Variants in AHCYL2 observed in about 807,000 individuals in gnomAD.
AHCYL2 encodes the protein S-adenosylhomocysteine hydrolase-like protein 2.
Under a neutral mutation model 81.4 loss-of-function variants are expected in AHCYL2, and 28 were observed. That is an observed-to-expected ratio of 0.34 (90% confidence interval 0.25 to 0.47). The LOEUF is 0.47. Among genes scored for constraint, AHCYL2 ranks in the 20% least tolerant of loss-of-function variants. The probability of loss-of-function intolerance (pLI) is 1.00; values close to 1 mark genes in which losing one functional copy is unlikely to be tolerated. For synonymous variants in AHCYL2, 272 were observed against 290.2 expected, an observed-to-expected ratio of 0.94 and a Z score of 0.64; for missense variants, 551 against 785.1, an observed-to-expected ratio of 0.70 and a Z score of 3.56.
intron 1 of AHCYL2, among the ~76,000 whole-genome samples, chr7:129,369,938 G>A (rs907213419): frequency 6.6e-5 from 10 of 152,092 alleles, no homozygotes; most frequent in African/African-American, 2.4e-4. Context: ...TAGAATTAAT[G>A]GAAGGATTTA....
intron 1 of AHCYL2, among the ~76,000 whole-genome samples, chr7:129,265,950 A>G (rs1436252214): frequency 6.6e-6 from 1 of 152,224 alleles, no homozygotes; most frequent in East Asian, 1.9e-4. Context: ...AATGTATTTG[A>G]TGAGTGTTTG....
intron 1 of AHCYL2, among the ~76,000 whole-genome samples, chr7:129,340,850 A>T (rs1793153994): frequency 6.6e-6 from 1 of 152,172 alleles, no homozygotes; most frequent in Non-Finnish European, 1.5e-5. Context: ...ACTCTTGAAT[A>T]CTTTGGATAA....
At chr7:129,232,794 C>T (rs766704575) in intron 1 of AHCYL2, among the ~76,000 whole-genome samples, 64 of 152,366 alleles carry the variant, frequency 4.2e-4, no homozygotes, top group Middle Eastern at 3.4e-3. Context: ...TGCAGCATCT[C>T]CTGCTTGGCA....
intron 5 of AHCYL2, among the ~76,000 whole-genome samples, chr7:129,400,051 G>C (rs1019881363): frequency 2.6e-5 from 4 of 152,040 alleles, no homozygotes; most frequent in Non-Finnish European, 5.9e-5. Context: ...TTAAACAACT[G>C]TCATACTTTT....
At chr7:129,354,748 A>T (rs1793680616) in intron 1 of AHCYL2, among the ~76,000 whole-genome samples, 1 of 152,186 alleles carries the variant, frequency 6.6e-6, no homozygotes, top group Admixed American at 6.5e-5. Context: ...GAAGATTTTG[A>T]CTACAGCATC....
chr7:129,361,166 T>C (rs1315941186), intron 1 of AHCYL2, among the ~76,000 whole-genome samples: 4 of 152,212 alleles, frequency 2.6e-5, no homozygotes, highest in South Asian at 2.1e-4. Flanking sequence ...ATGATGATGG[T>C]CAGGCTTTAT....
intron 1 of AHCYL2, among the ~76,000 whole-genome samples, chr7:129,370,434 C>T (rs541751126): frequency 1.8e-4 from 28 of 152,252 alleles, no homozygotes; most frequent in Non-Finnish European, 2.4e-4. Context: ...CGGTGGCTCA[C>T]GCCTGTAATC....
intron 11 of AHCYL2, among the ~76,000 whole-genome samples, chr7:129,412,496 G>C (rs1203096767): frequency 6.6e-5 from 10 of 151,562 alleles, no homozygotes; most frequent in Admixed American, 6.6e-4. Context: ...GCCCAGGCTG[G>C]TCTCAAACTC....
rs572035291 is a variant in AHCYL2 at position 129,400,382 on chromosome 7, A to G, written c.916A>G (p.Met306Val). 3 of 1,612,968 alleles carry G rather than the reference A, an allele frequency of 1.9e-6. No homozygotes were observed. Among genetic ancestry groups the G allele is most frequent in the East Asian group, 2.2e-5 (1 of 44,874 alleles). The change falls in exon 6 of 17, where the codon ATG becomes GTG. Residue 306 changes from methionine (M) to valine (V), a missense_variant and splice_region_variant. Physicochemically the swap from Met to Val is conservative, Grantham distance 21 (BLOSUM62 1). This residue lies in a region of AHCYL2 where 316 missense variants were observed against 543.1 expected (regional missense o/e 0.58). Coordinates refer to ENST00000325006, the MANE Select transcript of AHCYL2 (RefSeq NM_015328.4). The part of the protein sequence containing the change: ...CVNVEGWQPN[M>V]ILDDGGDLTH... ...GAATGTGGAGGGCTGGCAGCCAAAC[A>G]TGGTGGGTCAGATTTCTGCTAACAC...
chr7:129,226,820 A>G (rs147623611), intron 1 of AHCYL2, among the ~76,000 whole-genome samples: 4 of 152,184 alleles, frequency 2.6e-5, no homozygotes, highest in African/African-American at 7.2e-5. Flanking sequence ...AAAGAAAAAA[A>G]GTAAAGTAAA....
At chr7:129,410,305 A>G in intron 11 of AHCYL2, 1 of 1,614,106 alleles carries the variant, frequency 6.2e-7, no homozygotes, top group Non-Finnish European at 8.5e-7. Flanking sequence ...GGTCCTTTCG[A>G]ATGTTCTCAA....
chr7:129,378,480 A>G (rs1380092907), intron 1 of AHCYL2, among the ~76,000 whole-genome samples: 1 of 152,100 alleles, frequency 6.6e-6, no homozygotes, highest in East Asian at 1.9e-4. Flanking sequence ...ATTTACACAC[A>G]TTGTCTCATT....
intron 1 of AHCYL2, among the ~76,000 whole-genome samples, chr7:129,342,868 A>G (rs906670091): frequency 6.6e-6 from 1 of 152,232 alleles, no homozygotes; most frequent in East Asian, 1.9e-4. Flanking sequence ...ATTACACGTT[A>G]TGTGTTACAA....
chr7:129,282,610 CTT>C (rs1474857815), intron 1 of AHCYL2, among the ~76,000 whole-genome samples: 1 of 152,108 alleles, frequency 6.6e-6, no homozygotes, highest in Non-Finnish European at 1.5e-5. Flanking sequence ...TATGGAATAA[CTT>C]TGTTAATTCC....
chr7:129,372,113 C>T (rs1172374924), intron 1 of AHCYL2, among the ~76,000 whole-genome samples: 3 of 152,130 alleles, frequency 2.0e-5, no homozygotes, highest in African/African-American at 7.2e-5. Flanking sequence ...GGGTTCTAGA[C>T]ATCCATGGAA....
At chr7:129,244,406 C>T (rs1794975957) in intron 1 of AHCYL2, among the ~76,000 whole-genome samples, 1 of 152,052 alleles carries the variant, frequency 6.6e-6, no homozygotes, top group Non-Finnish European at 1.5e-5. Flanking sequence ...GTGTCATAGT[C>T]CACTCAGGTT....
intron 1 of AHCYL2, among the ~76,000 whole-genome samples, chr7:129,230,834 G>A (rs1794409929): frequency 1.3e-5 from 2 of 151,682 alleles, no homozygotes; most frequent in African/African-American, 4.8e-5. Flanking sequence ...GCCTCCCAAA[G>A]TGCTGGGATT....
chr7:129,346,448 A>C (rs1013145807), intron 1 of AHCYL2, among the ~76,000 whole-genome samples: 1 of 152,218 alleles, frequency 6.6e-6, no homozygotes, highest in African/African-American at 2.4e-5. Flanking sequence ...GGACACAAAC[A>C]ACCTGATTAA....
chr7:129,302,254 G>C (rs936562843), intron 1 of AHCYL2, among the ~76,000 whole-genome samples: 1 of 152,072 alleles, frequency 6.6e-6, no homozygotes, highest in Non-Finnish European at 1.5e-5. Context: ...AGTTCTAATA[G>C]GTTTTTGGTG....
Sources: gnomAD v4.1 joint callset for allele counts (sites outside exome capture counted in the v4.1 genomes callset) on GRCh38, gnomAD v4.1.1 for gene constraint, gnomAD v4.1.1 regional missense constraint, MANE v1.5 for transcripts, NCBI Gene and HGNC (gene_info 2026-07-23, HGNC 2026-07-21) for gene names.